MYO6: variants seen among roughly 807,000 people sequenced by gnomAD.
The protein encoded by MYO6 is unconventional myosin-VI.
Under a neutral mutation model 178.7 loss-of-function variants are expected in MYO6, and 74 were observed. The observed-to-expected ratio is 0.41, with a 90% confidence interval of 0.34 to 0.50. The LOEUF (loss-of-function observed/expected upper bound fraction) is 0.50. Ranked by LOEUF, MYO6 falls within the 20% of genes least tolerant of loss-of-function variation. MYO6 has a pLI of 0.09. For missense variants in MYO6, 1,330 were observed against 1,547.4 expected, an observed-to-expected ratio of 0.86 and a Z score of 2.36; for synonymous variants, 477 against 504.6, an observed-to-expected ratio of 0.95 and a Z score of 0.73.
Position 75,844,909 on chromosome 6 carries a change from G to C in MYO6, c.829G>C (p.Gly277Arg), listed in dbSNP as rs758672404. The C allele has an allele frequency of 6.2e-7, 1 of 1,612,256 alleles. No individual in the cohort carries two copies. Among genetic ancestry groups the C allele is most frequent in the Non-Finnish European group, 8.5e-7 (1 of 1,178,752 alleles). The change falls in exon 10 of 35, where the codon GGC becomes CGC. Residue 277 changes from glycine (G) to arginine (R), a missense_variant. Physicochemically the swap from Gly to Arg is moderately radical, Grantham distance 125. Around this residue, in one of 3 missense-constraint regions of MYO6, gnomAD observed 613 missense variants for 816.8 expected, o/e 0.75. Coordinates refer to ENST00000369977, the MANE Select transcript of MYO6 (RefSeq NM_004999.4). ...SPDNFRYLNR[G>R]CTRYFANKET... ...TGTTTTGTCATAGTATTTAAACCGA[G>C]GCTGCACTAGATACTTTGCTAACAA...
At chr6:75,910,354 A>G (rs1335505665) in intron 32 of MYO6, among the ~76,000 whole-genome samples, 1 of 152,174 alleles carries the variant, frequency 6.6e-6, no homozygotes, top group African/African-American at 2.4e-5. Context: ...TCATGTTGTA[A>G]TATTTGGCAC....
At chr6:75,758,537 T>C (rs1777670171) in intron 1 of MYO6, among the ~76,000 whole-genome samples, 1 of 151,936 alleles carries the variant, frequency 6.6e-6, no homozygotes, top group African/African-American at 2.4e-5. Context: ...CTCAGCTCAC[T>C]GCAAGCTCCG....
At chr6:75,785,854 C>G (rs1767506491) in intron 1 of MYO6, among the ~76,000 whole-genome samples, 1 of 151,996 alleles carries the variant, frequency 6.6e-6, no homozygotes, top group Non-Finnish European at 1.5e-5. Flanking sequence ...TCCCCATTAT[C>G]TGCATTGCTT....
chr6:75,787,730 C>CTCTATA (rs1767784406), intron 1 of MYO6, among the ~76,000 whole-genome samples: 2 of 11,660 alleles, frequency 1.7e-4, no homozygotes, highest in Non-Finnish European at 2.9e-4. Flanking sequence ...CTCTCTCTCT[C>CTCTATA]TATATATATA....
intron 3 of MYO6, among the ~76,000 whole-genome samples, chr6:75,827,466 C>A (rs768684629): frequency 2.6e-5 from 4 of 152,102 alleles, no homozygotes; most frequent in African/African-American, 9.7e-5. Context: ...GAGCTCTGAT[C>A]AGACATGAAT....
intron 25 of MYO6, 61 bp from the exon 26 acceptor site, chr6:75,889,996 C>T (rs1236636554): frequency 4.4e-6 from 5 of 1,148,422 alleles, no homozygotes; most frequent in African/African-American, 1.5e-5. Flanking sequence ...TAAGTATATT[C>T]ACATTGTTGT....
At chr6:75,822,658 G>A (rs1772012640) in intron 2 of MYO6, 124 bp from the exon 3 acceptor site, 1 of 721,406 alleles carries the variant, frequency 1.4e-6, no homozygotes, top group Non-Finnish European at 2.5e-6. Flanking sequence ...AGTATTATCT[G>A]TATTATATTT....
At position 75,817,574 on chromosome 6, in the gene MYO6, G is replaced by A. The variant is rs767670766; in HGVS notation, c.27G>A (p.Ala9=). The part of the protein sequence containing the change: MEDGKPVW[A]PHPTDGFQMG... ...TGGAGGATGGAAAGCCCGTTTGGGC[G>A]CCACACCCTACAGATGGATTTCAGA... Residue 9 remains alanine, a synonymous_variant, in exon 2 of 35, where the codon GCG becomes GCA. Transcript: ENST00000369977. The A allele has an allele frequency of 2.0e-5, 32 of 1,614,150 alleles. No individual in the cohort carries two copies. Among genetic ancestry groups the A allele is most frequent in the Middle Eastern group, 1.6e-4 (1 of 6,062 alleles).
At chr6:75,776,186 T>C (rs1330639168) in intron 1 of MYO6, among the ~76,000 whole-genome samples, 1 of 152,190 alleles carries the variant, frequency 6.6e-6, no homozygotes, top group Non-Finnish European at 1.5e-5. Flanking sequence ...CCTGTTAGAA[T>C]AGATGCTCCA....
chr6:75,822,750 T>G (rs1276095753), intron 2 of MYO6, 32 bp from the exon 3 acceptor site: 3 of 1,588,092 alleles, frequency 1.9e-6, no homozygotes. Flanking sequence ...TTAAAAGCCT[T>G]GAGTTTAATG....
At chr6:75,835,296 A>G (rs1392796225) in intron 6 of MYO6, among the ~76,000 whole-genome samples, 1 of 152,138 alleles carries the variant, frequency 6.6e-6, no homozygotes, top group Non-Finnish European at 1.5e-5. Flanking sequence ...AATAGAATTT[A>G]TTTTTCATTT....
intron 7 of MYO6, among the ~76,000 whole-genome samples, chr6:75,838,587 T>C (rs1226668976): frequency 6.6e-6 from 1 of 151,992 alleles, no homozygotes; most frequent in Non-Finnish European, 1.5e-5. Context: ...AGACCTGTAA[T>C]TGAGTCCTCT....
At chr6:75,808,366 A>G (rs751255489) in intron 1 of MYO6, among the ~76,000 whole-genome samples, 1 of 152,128 alleles carries the variant, frequency 6.6e-6, no homozygotes, top group Non-Finnish European at 1.5e-5. Context: ...ATGTACTCGG[A>G]CAGAGATCTA....
intron 3 of MYO6, 74 bp from the exon 4 acceptor site, chr6:75,828,466 C>T (rs1772713554): frequency 8.8e-6 from 8 of 908,218 alleles, no homozygotes; most frequent in Non-Finnish European, 1.4e-5. Context: ...CAAAGTGATT[C>T]AGATTAAGAT....
rs191068975 is a variant in MYO6 at position 75,846,849 on chromosome 6, T to C, written c.898-1502T>C. On this transcript the variant is annotated intron_variant, in intron 10 of 34. Coordinates refer to ENST00000369977, the MANE Select transcript of MYO6 (RefSeq NM_004999.4). ...TACTCTCCAAAGAAGAAAATTGCCCTCTTATTCTAGAGTCAGTATACTCTT... is the reference window on the plus strand; with the variant it reads ...TACTCTCCAAAGAAGAAAATTGCCCCCTTATTCTAGAGTCAGTATACTCTT... 3.8e-3 allele frequency among the ~76,000 whole-genome samples: 582 copies of C among 152,172 alleles called. 7 individuals are homozygous for C. The highest frequency in any genetic ancestry group is 0.014 in the African/African-American group (561 of 41,514).
At chr6:75,771,132 G>A (rs1765852138) in intron 1 of MYO6, among the ~76,000 whole-genome samples, 1 of 151,746 alleles carries the variant, frequency 6.6e-6, no homozygotes, top group Admixed American at 6.6e-5. Context: ...CCCCCAAGTA[G>A]CTGGGACTAG....
At chr6:75,863,394 A>C (rs189967675) in intron 16 of MYO6, among the ~76,000 whole-genome samples, 45 of 152,252 alleles carry the variant, frequency 3.0e-4, no homozygotes, top group African/African-American at 9.9e-4. Flanking sequence ...AGCAATAGAG[A>C]GATTAGGTAG....
chr6:75,816,974 C>T (rs1771318551), intron 1 of MYO6, among the ~76,000 whole-genome samples: 1 of 152,152 alleles, frequency 6.6e-6, no homozygotes, highest in African/African-American at 2.4e-5. Context: ...GCAGGTGTAC[C>T]TGAGGGTGGA....
At chr6:75,862,753 A>G (rs1352751306) in intron 16 of MYO6, 30 bp downstream of exon 16, 7 of 1,611,086 alleles carry the variant, frequency 4.3e-6, no homozygotes, top group Non-Finnish European at 4.2e-6. Context: ...AATTGAGACT[A>G]TGGTGGGACG....
Sources: allele counts gnomAD v4.1 joint callset (sites outside exome capture counted in the v4.1 genomes callset), GRCh38; gene constraint gnomAD v4.1.1; regional missense constraint gnomAD v4.1.1; transcripts MANE v1.5; gene names NCBI Gene and HGNC (gene_info 2026-07-23, HGNC 2026-07-21).